CHERP: variants seen among roughly 807,000 people sequenced by gnomAD.
The protein encoded by CHERP is calcium homeostasis endoplasmic reticulum protein, also known as ERPROT 213-21.
A neutral mutation model predicts 113.8 loss-of-function variants in CHERP; 8 were observed. The observed-to-expected ratio is 0.07, with a 90% CI of 0.04 to 0.13. CHERP has a LOEUF of 0.13. Among genes scored for constraint, CHERP ranks in the 10% least tolerant of loss-of-function variants. The pLI, the probability that CHERP is intolerant of heterozygous loss-of-function variation, is 1.00. For missense variants in CHERP, 884 were observed against 1,298.2 expected, an observed-to-expected ratio of 0.68 and a Z score of 4.90; for synonymous variants, 559 against 524.5, an observed-to-expected ratio of 1.07 and a Z score of -0.90.
At position 16,523,497 on chromosome 19, in the gene CHERP, C is replaced by T. The variant is rs932028025; in HGVS notation, c.1742-207G>A. Among the ~76,000 whole-genome samples the T allele has an allele frequency of 2.0e-5, 3 of 152,166 alleles. No individual in the cohort carries two copies. The highest frequency in any genetic ancestry group is 6.5e-5 in the Admixed American group (1 of 15,284). ...CCTGTCCCGCACCCATAGGCACAGC[C>T]GAGGGAGCTTGAGGCTGAGAGAAGA... On this transcript the variant is annotated intron_variant, in intron 10 of 16. Transcript: ENST00000546361. This position sits in a 1 kb window ranked among gnomAD's most constrained non-coding sequence, Gnocchi z 4.0.
In CHERP at chr19:16,525,163, C is replaced by T; in HGVS notation, c.1741+79G>A. The T allele has an allele frequency of 7.7e-7, 1 of 1,296,024 alleles. No individual in the cohort carries two copies. The highest frequency in any genetic ancestry group is 1.0e-6 in the Non-Finnish European group (1 of 990,022). The allele number at this position is 1,296,024 out of a possible 1,614,324, so 80.3% of individuals were successfully genotyped here. A position where few individuals can be genotyped will look rare whatever the true frequency, so the allele number is the denominator to read the frequency against. ...TGCACTCAGGAGCATGGCAGGGCCA[C>T]AAGCAGCGCCACCAGCCTGCTCGGC... On this transcript the variant is annotated intron_variant, in intron 10 of 16. Transcript: ENST00000546361. This position sits in a 1 kb window ranked among gnomAD's most constrained non-coding sequence, Gnocchi z 6.5.
At position 16,525,608 on chromosome 19, in the gene CHERP, G is replaced by C; in HGVS notation, c.1375C>G (p.His459Asp). 1 of 1,535,562 alleles carries C rather than the reference G, an allele frequency of 6.5e-7. No individual in the cohort carries two copies. The highest frequency in any genetic ancestry group is 8.7e-7 in the Non-Finnish European group (1 of 1,143,644). The change falls in exon 10 of 17, where the codon CAT (histidine) becomes GAT (aspartate). Residue 459 changes from histidine to aspartate, a missense_variant. His to Asp is a moderately conservative substitution (Grantham distance 81). Coordinates refer to ENST00000546361, the MANE Select transcript of CHERP (RefSeq NM_006387.6). This position sits in a 1 kb window ranked among gnomAD's most constrained non-coding sequence, Gnocchi z 6.5. ...CGCTGCTCGCCCCACATGCCCTCAT[G>C]GCTGTTGTTCCAGGGGGGGCAGTGG... The part of the protein sequence containing the change: ...PPHCPPWNNS[H>D]EGMWGEQRGD...
rs1414357480 is a variant in CHERP, at chr19:16,535,008, A to G, written c.384+444T>C. Reference sequence around the variant, plus strand: ...GGAGAATCGTTTGAACTCGGGAGGTAGGGGCTGCAGTGAGCTGAGATCACG... The same window carrying G: ...GGAGAATCGTTTGAACTCGGGAGGTGGGGGCTGCAGTGAGCTGAGATCACG... On this transcript the variant is annotated intron_variant, in intron 3 of 16. Coordinates refer to ENST00000546361, the MANE Select transcript of CHERP (RefSeq NM_006387.6). This position sits in a 1 kb window ranked among gnomAD's most constrained non-coding sequence, Gnocchi z 4.3. 6.6e-6 allele frequency among the ~76,000 whole-genome samples: 1 copy of G among 151,826 alleles called. No individual in the cohort carries two copies. The highest frequency in any genetic ancestry group is 1.9e-4 in the East Asian group (1 of 5,158).
Position 16,519,424 on chromosome 19 carries a change from T to C in CHERP, c.2558-72A>G, listed in dbSNP as rs575934927. 1.3e-6 allele frequency: 2 copies of C among 1,482,456 alleles called. No individual in the cohort carries two copies. Among genetic ancestry groups the C allele is most frequent in the East Asian group, 4.5e-5 (2 of 44,028 alleles). 91.8% of individuals were successfully genotyped at this position (1,482,456 alleles called of 1,614,324 possible). On this transcript the variant is annotated intron_variant, in intron 16 of 16. Transcript: ENST00000546361. This position sits in a 1 kb window ranked among gnomAD's most constrained non-coding sequence, Gnocchi z 6.0. ...GGGGGTGCACGTGGGGGGCTGAATGTCCAGACAGGCAGTGTAGACATGGGA... is the reference window on the plus strand; with the variant it reads ...GGGGGTGCACGTGGGGGGCTGAATGCCCAGACAGGCAGTGTAGACATGGGA...
rs1366906373 is a variant in CHERP at position 16,520,836 on chromosome 19, TCTC to T, written c.2188_2190del (p.Glu730del). ...CATCTGCGCTTTTACCTGTTCCTCT[TCTC>T]CTGGCCTTTCCTCCGCCGGGCCCGC... On this transcript the variant is annotated inframe_deletion, in exon 13 of 17. Coordinates refer to ENST00000546361, the MANE Select transcript of CHERP (RefSeq NM_006387.6). The surrounding 1 kb of genome is among the most constrained non-coding windows in gnomAD (Gnocchi z 4.0). 6 of 1,613,728 alleles carry T rather than the reference TCTC, an allele frequency of 3.7e-6. No individual in the cohort carries two copies. The highest frequency in any genetic ancestry group is 1.1e-5 in the South Asian group (1 of 91,078).
intron 3 of CHERP, among the ~76,000 whole-genome samples, chr19:16,533,526 G>C (rs987365398): frequency 1.3e-5 from 2 of 152,240 alleles, no homozygotes; most frequent in African/African-American, 4.8e-5. Context: ...GGGAGGCTGA[G>C]GCGGGAGGAT....
At chr19:16,524,839 A>G (rs930729152) in intron 10 of CHERP, among the ~76,000 whole-genome samples, 3 of 151,906 alleles carry the variant, frequency 2.0e-5, no homozygotes, top group Non-Finnish European at 4.4e-5. Context: ...GCTCACCGCA[A>G]CCTCAGCCTT....
intron 2 of CHERP, among the ~76,000 whole-genome samples, chr19:16,539,207 G>A (rs1202107439): frequency 6.0e-5 from 9 of 150,554 alleles, no homozygotes; most frequent in Non-Finnish European, 1.2e-4. Context: ...GAGTGCAGTG[G>A]TGCGATCTCG....
Position 16,529,671 on chromosome 19 carries a change from G to T in CHERP, c.1106C>A (p.Ala369Asp). The change falls in exon 8 of 17, where the codon GCC becomes GAC. Residue 369 changes from alanine (A) to aspartate (D), a missense_variant. This residue lies in a region of CHERP where 464 missense variants were observed against 590.1 expected (regional missense o/e 0.79). Coordinates refer to ENST00000546361, the MANE Select transcript of CHERP (RefSeq NM_006387.6). Reference sequence around the variant, plus strand: ...ACCAGGCTGGGTGGTGGGCGGGATGGCAGGGGCAGGTGCTGGGGCCGGGGG... The same window carrying T: ...ACCAGGCTGGGTGGTGGGCGGGATGTCAGGGGCAGGTGCTGGGGCCGGGGG... Reference protein sequence around the residue: ...APPPAPAPAPAIPPTTQPDDS... With the variant: ...APPPAPAPAPDIPPTTQPDDS... 6.4e-7 allele frequency: 1 copy of T among 1,552,964 alleles called. No homozygotes were observed.
Position 16,530,787 on chromosome 19 carries a change from C to T in CHERP, c.768G>A (p.Lys256=). ...CACGCACCCGGGCGATCTTCTGCTG[C>T]TTGTCTTCCTCCACGGCCAAGAAGC... is the stretch of plus-strand genomic sequence containing the variant. ...CTSFLAVEED[K]QQKIARLLQL... is the part of the protein sequence containing the mutation. The change falls in exon 6 of 17, where the codon AAG becomes AAA. Residue 256 remains lysine (K), a synonymous_variant. Coordinates refer to ENST00000546361, the MANE Select transcript of CHERP (RefSeq NM_006387.6). The surrounding 1 kb of genome is among the most constrained non-coding windows in gnomAD (Gnocchi z 4.1). 6.2e-7 allele frequency: 1 copy of T among 1,614,010 alleles called. No individual in the cohort carries two copies.
chr19:16,536,216 C>G (rs2085740461), intron 2 of CHERP, among the ~76,000 whole-genome samples: 2 of 152,332 alleles, frequency 1.3e-5, no homozygotes, highest in Middle Eastern at 3.4e-3. Flanking sequence ...GGGACAGAGA[C>G]CCCTCTGCAT....
chr19:16,523,062 G>C lies in CHERP; in HGVS notation c.1970C>G (p.Pro657Arg). Residue 657 changes from proline (P) to arginine (R), a missense_variant, in exon 11 of 17, where the codon CCC becomes CGC. Pro to Arg is a moderately radical substitution (Grantham distance 103). This residue lies in a region of CHERP where 464 missense variants were observed against 590.1 expected (regional missense o/e 0.79). Transcript: ENST00000546361. The surrounding 1 kb of genome is among the most constrained non-coding windows in gnomAD (Gnocchi z 4.0). ...ACTGTGGGGCATTACCTTCACGAGG[G>C]GGGCCATCAGCCCAGCAGGGAGATC... is the stretch of plus-strand genomic sequence containing the variant. ...YFDLPAGLMA[P>R]LVKLEDHEYK... The C allele has an allele frequency of 6.6e-7, 1 of 1,512,900 alleles. No homozygotes were observed. Among genetic ancestry groups the C allele is most frequent in the Admixed American group, 2.3e-5 (1 of 42,692 alleles). The allele number at this position is 1,512,900 out of a possible 1,614,324, so 93.7% of individuals were successfully genotyped here.
At position 16,530,593 on chromosome 19, in the gene CHERP, G is replaced by T; in HGVS notation, c.868C>A (p.Gln290Lys). Residue 290 changes from glutamine to lysine, a missense_variant, in exon 7 of 17, where the codon CAG becomes AAG. Physicochemically the swap from Gln to Lys is moderately conservative, Grantham distance 53. Around this residue, in one of 8 missense-constraint regions of CHERP, gnomAD observed 464 missense variants for 590.1 expected, o/e 0.79. Transcript: ENST00000546361. The surrounding 1 kb of genome is among the most constrained non-coding windows in gnomAD (Gnocchi z 4.1). ...TGGGCAGGGACACTCACCTGGTACTGACCAAGCCCCAGGGCTGGGCTCTGT... is the reference window on the plus strand; with the variant it reads ...TGGGCAGGGACACTCACCTGGTACTTACCAAGCCCCAGGGCTGGGCTCTGT... ...QLQSPALGLGQYQATLINEYS... is the reference protein window; with the variant it reads ...QLQSPALGLGKYQATLINEYS... 1.2e-6 allele frequency: 2 copies of T among 1,613,826 alleles called. No homozygotes were observed. The highest frequency in any genetic ancestry group is 2.2e-5 in the South Asian group (2 of 91,042).
chr19:16,521,492 C>T (rs751167155), intron 12 of CHERP, 29 bp downstream of exon 12: 37 of 1,532,272 alleles, frequency 2.4e-5, no homozygotes, highest in Non-Finnish European at 2.7e-5. Flanking sequence ...AGAGGCCTCC[C>T]GCCCACCCCA....
chr19:16,520,408 T>C lies in CHERP; in HGVS notation c.2301A>G (p.Ser767=). The change falls in exon 14 of 17, where the codon TCA becomes TCG. Residue 767 remains serine, a synonymous_variant. Transcript: ENST00000546361. The surrounding 1 kb of genome is among the most constrained non-coding windows in gnomAD (Gnocchi z 4.0). ...SSKSSGSYSR[S]RSRSCSRSYS... is the part of the protein sequence containing the mutation. ...AGGAACGGGAGCAGGAGCGCGACCT[T>C]GACCTTGAGTACGAGCCTGAAGACT... is the stretch of plus-strand genomic sequence containing the variant. 1 of 1,614,022 alleles carries C rather than the reference T, an allele frequency of 6.2e-7. No individual in the cohort carries two copies. The highest frequency in any genetic ancestry group is 8.5e-7 in the Non-Finnish European group (1 of 1,179,966).
In CHERP at chr19:16,520,393, G is replaced by A. The variant is rs2085600190; in HGVS notation, c.2316C>T (p.Cys772=). 3.1e-6 allele frequency: 5 copies of A among 1,614,042 alleles called. No individual in the cohort carries two copies. Among genetic ancestry groups the A allele is most frequent in the Non-Finnish European group, 4.2e-6 (5 of 1,180,036 alleles). The change falls in exon 14 of 17, where the codon TGC becomes TGT. Residue 772 remains cysteine (C), a synonymous_variant. Transcript: ENST00000546361. The surrounding 1 kb of genome is among the most constrained non-coding windows in gnomAD (Gnocchi z 4.0). ...ATCTGGAGCGGGAGTAGGAACGGGAGCAGGAGCGCGACCTTGACCTTGAGT... is the reference window on the plus strand; with the variant it reads ...ATCTGGAGCGGGAGTAGGAACGGGAACAGGAGCGCGACCTTGACCTTGAGT... ...GSYSRSRSRS[C]SRSYSRSRSR... is the part of the protein sequence containing the mutation.
At position 16,529,696 on chromosome 19, in the gene CHERP, G is replaced by T; in HGVS notation, c.1081C>A (p.Pro361Thr). The T allele has an allele frequency of 6.3e-7, 1 of 1,580,906 alleles. No homozygotes were observed. ...VKATPPPPAPPPAPAPAPAIP... is the reference protein window; with the variant it reads ...VKATPPPPAPTPAPAPAPAIP... The stretch of plus-strand genomic sequence containing the variant: ...GCAGGGGCAGGTGCTGGGGCCGGGG[G>T]TGGAGCAGGCGGTGGAGGCGTGGCC... The change falls in exon 8 of 17, where the codon CCC (proline) becomes ACC (threonine). Residue 361 changes from proline to threonine, a missense_variant. Coordinates refer to ENST00000546361, the MANE Select transcript of CHERP (RefSeq NM_006387.6).
Position 16,532,885 on chromosome 19 carries a change from C to T in CHERP, c.522+126G>A. On this transcript the variant is annotated intron_variant, in intron 4 of 16. Transcript: ENST00000546361. This position sits in a 1 kb window ranked among gnomAD's most constrained non-coding sequence, Gnocchi z 4.4. ...TGGGGGGCACAGGGTCCCACAGCCT[C>T]AGGAGCTCCAGGCGGGAGGGAAGGG... 1.3e-6 allele frequency: 2 copies of T among 1,516,028 alleles called. No individual in the cohort carries two copies. Among genetic ancestry groups the T allele is most frequent in the South Asian group, 2.5e-5 (2 of 78,476 alleles). The allele number at this position is 1,516,028 out of a possible 1,614,324, so 93.9% of individuals were successfully genotyped here.
chr19:16,528,718 C>G (rs547382521), intron 8 of CHERP, among the ~76,000 whole-genome samples: 1 of 152,210 alleles, frequency 6.6e-6, no homozygotes, highest in East Asian at 1.9e-4. Flanking sequence ...CTTTGGGAGG[C>G]TGAGGTGGGT....
Sources: allele counts gnomAD v4.1 joint callset (sites outside exome capture counted in the v4.1 genomes callset), GRCh38; gene constraint gnomAD v4.1.1; regional missense constraint gnomAD v4.1.1; non-coding constraint Gnocchi (gnomAD v3.1); transcripts MANE v1.5; gene names NCBI Gene and HGNC (gene_info 2026-07-23, HGNC 2026-07-21).